The following MROH1 variants were observed in gnomAD, a reference collection of about 807,000 sequenced individuals.
The protein encoded by MROH1 is maestro heat-like repeat-containing protein family member 1.
Under a neutral mutation model 116.5 loss-of-function variants are expected in MROH1, and 117 were observed. The ratio of observed to expected loss-of-function variants is 1.00; its 90% CI spans 0.86 to 1.17. The LOEUF (loss-of-function observed/expected upper bound fraction) is 1.17. Among genes scored for constraint, MROH1 ranks in the 50% most tolerant of loss-of-function variants. The pLI is 0.00. For synonymous variants in MROH1, 921 were observed against 583.9 expected, an observed-to-expected ratio of 1.58 and a Z score of -8.32; for missense variants, 1,873 against 1,338.5, an observed-to-expected ratio of 1.40 and a Z score of -6.23.
chr8:144,212,059 G>C (rs1834215205), intron 12 of MROH1, among the ~76,000 whole-genome samples: 1 of 130,582 alleles, frequency 7.7e-6, no homozygotes, highest in Admixed American at 8.3e-5. Flanking sequence ...TCCTTTTAGT[G>C]AGAAGCTGTG....
At chr8:144,235,405 C>T (rs1236374648) in intron 14 of MROH1, among the ~76,000 whole-genome samples, 3 of 152,086 alleles carry the variant, frequency 2.0e-5, no homozygotes, top group Non-Finnish European at 4.4e-5. Flanking sequence ...TGAATAAAAT[C>T]GGTGCGAGCA....
chr8:144,180,066 G>T lies in MROH1; in HGVS notation c.301-112G>T. 7.3e-7 allele frequency: 1 copy of T among 1,369,620 alleles called. No homozygotes were observed. Among genetic ancestry groups the T allele is most frequent in the South Asian group, 1.3e-5 (1 of 76,990 alleles). 84.8% of individuals were successfully genotyped at this position (1,369,620 alleles called of 1,614,324 possible). A position where few individuals can be genotyped will look rare whatever the true frequency, so the allele number is the denominator to read the frequency against. ...CTGTGCCCGCCACCTTCCCTGACCT[G>T]CACTTTCTGGGGACGCTGAAAACAG... On this transcript the variant is annotated intron_variant, in intron 5 of 43. Coordinates refer to ENST00000326134, the MANE Select transcript of MROH1 (RefSeq NM_032450.3). The surrounding 1 kb of genome is among the most constrained non-coding windows in gnomAD (Gnocchi z 7.4).
intron 12 of MROH1, among the ~76,000 whole-genome samples, chr8:144,205,748 C>T (rs1832693183): frequency 6.6e-6 from 1 of 152,080 alleles, no homozygotes; most frequent in Non-Finnish European, 1.5e-5. Flanking sequence ...CTGGGATTCC[C>T]TGTTACATGT....
At position 144,237,006 on chromosome 8, in the gene MROH1, C is replaced by T. The variant is rs886327002; in HGVS notation, c.1339-1750C>T. 3.4e-5 allele frequency among the ~76,000 whole-genome samples: 5 copies of T among 147,680 alleles called. No individual in the cohort carries two copies. The East Asian group carries it at 1.1e-3, about 31-fold the overall frequency. On this transcript the variant is annotated intron_variant, in intron 14 of 43. Coordinates refer to ENST00000326134, the MANE Select transcript of MROH1 (RefSeq NM_032450.3). ...CTGCAAGCTCCGCCTGCCAGGTTCA[C>T]GCCGTTCTTCTGCCTCAGCCTCCCG...
intron 33 of MROH1, chr8:144,254,553 C>T: frequency 2.2e-6 from 1 of 446,744 alleles, no homozygotes; most frequent in Non-Finnish European, 4.0e-6. Context: ...GGACCTCCCA[C>T]ACCACTGCCC....
chr8:144,237,357 C>A (rs1840230351), intron 14 of MROH1, among the ~76,000 whole-genome samples: 9 of 152,234 alleles, frequency 5.9e-5, no homozygotes, highest in Admixed American at 5.9e-4. Context: ...GCGCGCAGGC[C>A]CCTGTCCTGA....
chr8:144,184,051 C>CT (rs1287010075), intron 7 of MROH1, among the ~76,000 whole-genome samples: 1 of 152,172 alleles, frequency 6.6e-6, no homozygotes, highest in Non-Finnish European at 1.5e-5. Context: ...ACTGTGCACC[C>CT]TGGGAGGTAG....
At chr8:144,203,445 A>T (rs1588144997) in intron 12 of MROH1, among the ~76,000 whole-genome samples, 1 of 128,120 alleles carries the variant, frequency 7.8e-6, no homozygotes, top group East Asian at 2.3e-4. Context: ...TTGGGAGGGG[A>T]GCGCCCCCTC....
At chr8:144,233,209 A>T (rs1839277570) in intron 14 of MROH1, among the ~76,000 whole-genome samples, 1 of 151,932 alleles carries the variant, frequency 6.6e-6, no homozygotes, top group South Asian at 2.1e-4. Context: ...TTAAGTGCAC[A>T]CTTCAGCGAC....
In MROH1 at chr8:144,235,210, C is replaced by T. The variant is rs1839850520; in HGVS notation, c.1339-3546C>T. ...TGTGCCTGGCCTACAATTATTCTTT[C>T]ATATCGATCTTGTATACTGCAACCT... On this transcript the variant is annotated intron_variant, in intron 14 of 43. Transcript: ENST00000326134. Among the ~76,000 whole-genome samples the T allele has an allele frequency of 2.6e-5, 4 of 152,184 alleles. No homozygotes were observed. The South Asian group carries it at 8.3e-4, about 32-fold the overall frequency.
intron 21 of MROH1, 67 bp from the exon 22 acceptor site, chr8:144,241,328 G>T: frequency 1.4e-6 from 1 of 721,678 alleles, no homozygotes; most frequent in South Asian, 1.5e-5. Flanking sequence ...GTCCACACGT[G>T]ACAGTGTGCG....
chr8:144,249,149 T>A lies in MROH1; in HGVS notation c.3273+120T>A. On this transcript the variant is annotated intron_variant, in intron 32 of 43. Transcript: ENST00000326134. The stretch of plus-strand genomic sequence containing the variant: ...GAGGTGGCACTGCGGGAGAAAACAG[T>A]GAGGCTGGCCCTGGCCTGTCCTGGA... 8.9e-6 allele frequency: 6 copies of A among 676,972 alleles called. 1 individual carries two copies. In the South Asian group the frequency reaches 9.7e-5, roughly 11 times the overall value. The allele number at this position is 676,972 out of a possible 1,614,324, so 41.9% of individuals were successfully genotyped here.
rs1017559656 is a variant in MROH1, at chr8:144,254,039, C to T, written c.3429-774C>T. 3.3e-5 allele frequency among the ~76,000 whole-genome samples: 5 copies of T among 152,138 alleles called. No homozygotes were observed. The East Asian group carries it at 5.8e-4, about 18-fold the overall frequency. On this transcript the variant is annotated intron_variant, in intron 33 of 43. Transcript: ENST00000326134. ...AAACCCCAACCTACTCCTTGACAGC[C>T]ATTGTTTCCTCTGCCTCTGGGACAT...
chr8:144,261,812 G>T lies in MROH1; in HGVS notation c.*72G>T. The T allele has an allele frequency of 1.4e-6, 1 of 700,938 alleles. No homozygotes were observed. The highest frequency in any genetic ancestry group is 1.5e-5 in the South Asian group (1 of 67,454). 43.4% of individuals were successfully genotyped at this position (700,938 alleles called of 1,614,324 possible). A position where few individuals can be genotyped will look rare whatever the true frequency, so the allele number is the denominator to read the frequency against. ...CCTGAGCTCCAAGACAGGGCCTCCT[G>T]AGGACCACAGCCTGGGCACACGACT... is the stretch of plus-strand genomic sequence containing the variant. On this transcript the variant is annotated 3_prime_UTR_variant, in exon 44 of 44. Coordinates refer to ENST00000326134, the MANE Select transcript of MROH1 (RefSeq NM_032450.3).
At chr8:144,227,229 T>C (rs1048754730) in intron 14 of MROH1, among the ~76,000 whole-genome samples, 3 of 152,242 alleles carry the variant, frequency 2.0e-5, no homozygotes, top group Admixed American at 6.5e-5. Flanking sequence ...TTTTTTGTTT[T>C]CTTGACTTAC....
intron 32 of MROH1, 149 bp downstream of exon 32, chr8:144,249,178 C>A: frequency 1.5e-6 from 1 of 651,840 alleles, no homozygotes; most frequent in Non-Finnish European, 2.8e-6. Flanking sequence ...TCCTGGACCA[C>A]CCTGCCCAGC....
At chr8:144,242,318 G>A (rs879604508) in intron 22 of MROH1, 51 bp from the exon 23 acceptor site, 379,059 of 780,016 alleles carry the variant, frequency 0.49, 98,262 homozygotes, top group East Asian at 0.72. Flanking sequence ...GATTCCCGTC[G>A]GGGAGTGTAA....
At chr8:144,258,401 G>A (rs1037236166) in intron 35 of MROH1, among the ~76,000 whole-genome samples, 4 of 152,214 alleles carry the variant, frequency 2.6e-5, no homozygotes, top group Non-Finnish European at 5.9e-5. Context: ...AGAACCCGAG[G>A]TGCCAGGCAG....
At chr8:144,230,960 C>A (rs1336101823) in intron 14 of MROH1, among the ~76,000 whole-genome samples, 2 of 142,228 alleles carry the variant, frequency 1.4e-5, no homozygotes, top group African/African-American at 5.3e-5. Flanking sequence ...CTGCGGCCTT[C>A]CGCAGTGTTT....
Sources: allele counts gnomAD v4.1 joint callset (sites outside exome capture counted in the v4.1 genomes callset), GRCh38; gene constraint gnomAD v4.1.1; non-coding constraint Gnocchi (gnomAD v3.1); transcripts MANE v1.5; gene names NCBI Gene and HGNC (gene_info 2026-07-23, HGNC 2026-07-21).